TSPAN33: variants seen among roughly 807,000 people sequenced by gnomAD.
TSPAN33 encodes the protein tetraspanin-33.
Under a neutral mutation model 34.8 loss-of-function variants are expected in TSPAN33, and 27 were observed. The observed-to-expected ratio is 0.78, with a 90% CI of 0.57 to 1.07. The LOEUF is 1.07. Ranked by LOEUF, TSPAN33 falls within the 50% of genes least tolerant of loss-of-function variation. The pLI, the probability that TSPAN33 is intolerant of heterozygous loss-of-function variation, is 0.00. For missense variants in TSPAN33, 272 were observed against 324.9 expected (o/e 0.84, Z 1.25); for synonymous variants, 119 against 124.2 (o/e 0.96, Z 0.28).
rs1260061608 is a variant in TSPAN33, at chr7:129,162,854, G to A, written c.310G>A (p.Val104Met). ...LQTFSLCLTAVFLLQLAAGIL... is the reference protein window; with the variant it reads ...LQTFSLCLTAMFLLQLAAGIL... ...ACAGTTCTCCCTCTGCCTCACCGCT[G>A]TGTTCCTGCTGCAGCTGGCCGCTGG... The change falls in exon 4 of 8, where the codon GTG (valine) becomes ATG (methionine). Residue 104 changes from valine (V) to methionine (M), a missense_variant. Transcript: ENST00000486685. 3 of 1,613,970 alleles carry A rather than the reference G, an allele frequency of 1.9e-6. No homozygotes were observed. In the South Asian group the frequency reaches 3.3e-5, roughly 18 times the overall value.
chr7:129,167,775 G>A lies in TSPAN33; in HGVS notation c.753G>A (p.Leu251=). ...GVALGLAIPQ[L]VGILLSQILV... The stretch of plus-strand genomic sequence containing the variant: ...CAATTCCTTCTTGCCTCTCCCAGCT[G>A]GTGGGAATTCTGCTGTCCCAGATCC... The change falls in exon 8 of 8, where the codon CTG becomes CTA. Residue 251 remains leucine (L), a splice_region_variant and synonymous_variant. Coordinates refer to ENST00000486685, the MANE Select transcript of TSPAN33 (RefSeq NM_178562.5). The surrounding 1 kb of genome is among the most constrained non-coding windows in gnomAD (Gnocchi z 4.6). The A allele has an allele frequency of 1.2e-6, 2 of 1,614,098 alleles. No individual in the cohort carries two copies. Among genetic ancestry groups the A allele is most frequent in the Non-Finnish European group, 1.7e-6 (2 of 1,179,990 alleles).
intron 1 of TSPAN33, among the ~76,000 whole-genome samples, chr7:129,153,922 A>T (rs1810634421): frequency 6.6e-6 from 1 of 152,048 alleles, no homozygotes; most frequent in African/African-American, 2.4e-5. Context: ...ATCCTGGGTG[A>T]CAAAGCAAGA....
chr7:129,145,280 G>C (rs958093714), intron 1 of TSPAN33, among the ~76,000 whole-genome samples, 198 bp downstream of exon 1: 1 of 152,018 alleles, frequency 6.6e-6, no homozygotes, highest in Non-Finnish European at 1.5e-5. Flanking sequence ...GGTATGCCAG[G>C]GAATCAGTAA....
rs993184375 is a variant in TSPAN33 at position 129,144,940 on chromosome 7, C to T, written c.-41C>T. On this transcript the variant is annotated 5_prime_UTR_variant, in exon 1 of 8. Transcript: ENST00000486685. ...GGGCACACAGGCCGGCCGGCAGCCG[C>T]TGGGAAATAGGCCCCCGGGGGCGGT... 4.0e-6 allele frequency: 2 copies of T among 503,440 alleles called. No individual in the cohort carries two copies. The highest frequency in any genetic ancestry group is 2.4e-5 in the South Asian group (1 of 41,440). The allele number at this position is 503,440 out of a possible 1,614,324, so 31.2% of individuals were successfully genotyped here. A position where few individuals can be genotyped will look rare whatever the true frequency, so the allele number is the denominator to read the frequency against.
Position 129,164,582 on chromosome 7 carries a change from C to T in TSPAN33, c.459+13C>T, listed in dbSNP as rs2150628139. ...TGGCCAGAAAAAGGTATGGGTCAGC[C>T]AGTGGTCTGGGGGACTGTGGGTAAA... On this transcript the variant is annotated intron_variant, in intron 5 of 7. Coordinates refer to ENST00000486685, the MANE Select transcript of TSPAN33 (RefSeq NM_178562.5). 6.2e-7 allele frequency: 1 copy of T among 1,611,228 alleles called. No homozygotes were observed. The highest frequency in any genetic ancestry group is 8.5e-7 in the Non-Finnish European group (1 of 1,178,160).
Position 129,168,068 on chromosome 7 carries a change from C to A in TSPAN33, c.*194C>A. 1 of 1,080,862 alleles carries A rather than the reference C, an allele frequency of 9.3e-7. No homozygotes were observed. Among genetic ancestry groups the A allele is most frequent in the Non-Finnish European group, 1.3e-6 (1 of 778,556 alleles). 67.0% of individuals were successfully genotyped at this position (1,080,862 alleles called of 1,614,324 possible). A position where few individuals can be genotyped will look rare whatever the true frequency, so the allele number is the denominator to read the frequency against. ...CCAGTCTCAGGAGGATGCGCCTCCT[C>A]TCCCCCATCCCAGCCCTCAGCATTG... is the stretch of plus-strand genomic sequence containing the variant. On this transcript the variant is annotated 3_prime_UTR_variant, in exon 8 of 8. Coordinates refer to ENST00000486685, the MANE Select transcript of TSPAN33 (RefSeq NM_178562.5).
At chr7:129,150,162 TG>T (rs1810574059) in intron 1 of TSPAN33, among the ~76,000 whole-genome samples, 2 of 152,122 alleles carry the variant, frequency 1.3e-5, no homozygotes, top group Admixed American at 1.3e-4. Flanking sequence ...CCTGAGACAG[TG>T]GGGCTCCACT....
In TSPAN33 at chr7:129,148,095, C is replaced by T. The variant is rs1401200980; in HGVS notation, c.102+3013C>T. On this transcript the variant is annotated intron_variant, in intron 1 of 7. Transcript: ENST00000486685. The surrounding 1 kb of genome is among the most constrained non-coding windows in gnomAD (Gnocchi z 4.2). ...CTCACCTCCCTCTGCAGGACAGCTC[C>T]GTGCAGATATTGGGGTGGTGCCTGC... Among the ~76,000 whole-genome samples the T allele has an allele frequency of 3.3e-5, 5 of 152,190 alleles. No individual in the cohort carries two copies. The highest frequency in any genetic ancestry group is 1.3e-4 in the Admixed American group (2 of 15,270).
chr7:129,159,408 A>T (rs1307905875), intron 1 of TSPAN33, among the ~76,000 whole-genome samples: 1 of 152,102 alleles, frequency 6.6e-6, no homozygotes, highest in East Asian at 1.9e-4. Context: ...GGTTGATTCC[A>T]TGCCTTTGCT....
chr7:129,149,929 G>A (rs760372161), intron 1 of TSPAN33, among the ~76,000 whole-genome samples: 1 of 152,202 alleles, frequency 6.6e-6, no homozygotes, highest in Non-Finnish European at 1.5e-5. Flanking sequence ...CAGGGAGAGA[G>A]GTGGCCCTAC....
rs1420129724 is a variant in TSPAN33, at chr7:129,144,744, G to C, written c.-237G>C. The C allele has an allele frequency of 9.3e-6, 1 of 107,402 alleles. No individual in the cohort carries two copies. Among genetic ancestry groups the C allele is most frequent in the Non-Finnish European group, 2.1e-5 (1 of 47,250 alleles). 6.7% of individuals were successfully genotyped at this position (107,402 alleles called of 1,614,324 possible). Reference sequence around the variant, plus strand: ...CTGGCCGGGCTGGTCCTGCGGCCGCGGGTGAGTCTCGTCCGCTCGCGCTGC... The same window carrying C: ...CTGGCCGGGCTGGTCCTGCGGCCGCCGGTGAGTCTCGTCCGCTCGCGCTGC... On this transcript the variant is annotated 5_prime_UTR_variant, in exon 1 of 8. Coordinates refer to ENST00000486685, the MANE Select transcript of TSPAN33 (RefSeq NM_178562.5).
chr7:129,166,532 T>C, intron 5 of TSPAN33: 1 of 419,614 alleles, frequency 2.4e-6, no homozygotes, highest in South Asian at 4.0e-5. Context: ...TATGTACAAC[T>C]GTAATACCAA....
chr7:129,154,058 A>C (rs1347313811), intron 1 of TSPAN33, among the ~76,000 whole-genome samples: 1 of 151,830 alleles, frequency 6.6e-6, no homozygotes, highest in African/African-American at 2.4e-5. Context: ...TTAGCCAAGC[A>C]TGGTGGCTCA....
At chr7:129,163,225 A>G (rs1280290609) in intron 4 of TSPAN33, among the ~76,000 whole-genome samples, 1 of 152,214 alleles carries the variant, frequency 6.6e-6, no homozygotes, top group Admixed American at 6.5e-5. Flanking sequence ...GACCACTGAC[A>G]ATATGAAGAG....
intron 1 of TSPAN33, among the ~76,000 whole-genome samples, chr7:129,151,357 G>A (rs1810591389): frequency 1.3e-5 from 2 of 152,190 alleles, no homozygotes; most frequent in South Asian, 4.2e-4. Context: ...GGCCTCAAAT[G>A]ATCTTCCTCA....
intron 1 of TSPAN33, among the ~76,000 whole-genome samples, chr7:129,158,191 C>G (rs1038076320): frequency 2.6e-5 from 4 of 152,202 alleles, no homozygotes; most frequent in Non-Finnish European, 4.4e-5. Context: ...ACTGAGTCCT[C>G]AGGGATAATT....
At chr7:129,152,019 C>T (rs1287630074) in intron 1 of TSPAN33, among the ~76,000 whole-genome samples, 4 of 152,094 alleles carry the variant, frequency 2.6e-5, no homozygotes, top group Non-Finnish European at 4.4e-5. Flanking sequence ...AAATCCAAAT[C>T]GAGGGACATT....
Position 129,162,808 on chromosome 7 carries a change from G to A in TSPAN33, c.289-25G>A, listed in dbSNP as rs565531086. On this transcript the variant is annotated intron_variant, in intron 3 of 7. Transcript: ENST00000486685. ...GTTGCTGCCATGAGTGGTCCTAGACGCCTCTTCTTCCTGCTGCTCCACAGT... is the reference window on the plus strand; with the variant it reads ...GTTGCTGCCATGAGTGGTCCTAGACACCTCTTCTTCCTGCTGCTCCACAGT... 242 of 1,612,394 alleles carry A rather than the reference G, an allele frequency of 1.5e-4. 3 individuals are homozygous for A. In the South Asian group the frequency reaches 2.3e-3, roughly 15 times the overall value.
chr7:129,164,842 C>T (rs1327022115), intron 5 of TSPAN33: 1 of 358,366 alleles, frequency 2.8e-6, no homozygotes, highest in East Asian at 5.9e-5. Flanking sequence ...TCAAAAGTGA[C>T]ATTTTAGGCT....
Sources: gnomAD v4.1 joint callset for allele counts (sites outside exome capture counted in the v4.1 genomes callset) on GRCh38, gnomAD v4.1.1 for gene constraint, Gnocchi (gnomAD v3.1) non-coding constraint, MANE v1.5 for transcripts, NCBI Gene and HGNC (gene_info 2026-07-23, HGNC 2026-07-21) for gene names.